The following PRRX2 variants were observed in gnomAD, a reference collection of about 807,000 sequenced individuals.
PRRX2 encodes paired related homeobox 2.
Under a neutral mutation model 18.0 loss-of-function variants are expected in PRRX2, and 11 were observed. The observed-to-expected ratio is 0.61, with a 90% CI of 0.39 to 1.01. The LOEUF is 1.01. Among genes scored for constraint, PRRX2 ranks in the 50% least tolerant of loss-of-function variants. The pLI is 0.01. For missense variants in PRRX2, 387 were observed against 351.0 expected, an observed-to-expected ratio of 1.10 and a Z score of -0.82; for synonymous variants, 177 against 154.8, an observed-to-expected ratio of 1.14 and a Z score of -1.06.
chr9:129,693,883 G>A lies in PRRX2; in HGVS notation c.260-25348G>A, dbSNP rs147005047. On this transcript the variant is annotated intron_variant, in intron 1 of 3. Transcript: ENST00000372469. ...CTATGTGGAACTTCCCAAAATGAGC[G>A]TGTCAAGGGACAAGGGATGGTAAGA... is the stretch of plus-strand genomic sequence containing the variant. Among the ~76,000 whole-genome samples, 4 of 152,302 alleles carry A rather than the reference G, an allele frequency of 2.6e-5. No homozygotes were observed. The East Asian group carries it at 5.8e-4, about 22-fold the overall frequency.
rs376325772 is a variant in PRRX2, at chr9:129,720,783, G to A, written c.626+9G>A. ...GCCTCGTCCCCCTACAGGTGAGAGC[G>A]GGAACACCTTTGGGCCAGGAAGGGG... On this transcript the variant is annotated intron_variant, in intron 3 of 3. Coordinates refer to ENST00000372469, the MANE Select transcript of PRRX2 (RefSeq NM_016307.4). The A allele has an allele frequency of 3.6e-4, 556 of 1,554,718 alleles. 1 individual carries two copies. Among genetic ancestry groups the A allele is most frequent in the Non-Finnish European group, 4.6e-4 (530 of 1,148,396 alleles).
intron 1 of PRRX2, among the ~76,000 whole-genome samples, chr9:129,683,660 G>A (rs1361520363): frequency 2.0e-5 from 3 of 152,142 alleles, no homozygotes; most frequent in Admixed American, 1.3e-4. Context: ...GCGGGAACCC[G>A]GGAGGCGGAG....
At chr9:129,691,857 T>C (rs1832364665) in intron 1 of PRRX2, among the ~76,000 whole-genome samples, 2 of 152,002 alleles carry the variant, frequency 1.3e-5, no homozygotes, top group South Asian at 4.2e-4. Flanking sequence ...TAAAAAAATT[T>C]TTTTTGTAGG....
In PRRX2 at chr9:129,683,006, G is replaced by A. The variant is rs1489466080; in HGVS notation, c.259+16880G>A. ...ACCTGTAGTCCCAGCTACTCGGGAG[G>A]CTGAGGCAGGAGAATTGCTAGAACC... On this transcript the variant is annotated intron_variant, in intron 1 of 3. Transcript: ENST00000372469. Among the ~76,000 whole-genome samples, 7 of 152,236 alleles carry A rather than the reference G, an allele frequency of 4.6e-5. No homozygotes were observed. In the South Asian group the frequency reaches 1.2e-3, roughly 27 times the overall value.
chr9:129,719,117 G>A, intron 1 of PRRX2, 114 bp from the exon 2 acceptor site: 2 of 982,916 alleles, frequency 2.0e-6, no homozygotes, highest in Non-Finnish European at 2.9e-6. Context: ...TTAAAGGGAC[G>A]CATTCCTGGC....
At chr9:129,692,451 T>G (rs72770225) in intron 1 of PRRX2, among the ~76,000 whole-genome samples, 27,340 of 151,442 alleles carry the variant, frequency 0.18, 4,610 homozygotes, top group African/African-American at 0.44. Context: ...CCTCTTGGTG[T>G]TGTTCATTCT....
intron 1 of PRRX2, among the ~76,000 whole-genome samples, chr9:129,703,354 T>C (rs1832520910): frequency 1.3e-5 from 2 of 152,198 alleles, no homozygotes; most frequent in Admixed American, 1.3e-4. Flanking sequence ...CTGCAGACTA[T>C]GAGCAGCCCA....
At chr9:129,684,687 T>C (rs1832282490) in intron 1 of PRRX2, among the ~76,000 whole-genome samples, 1 of 152,162 alleles carries the variant, frequency 6.6e-6, no homozygotes, top group African/African-American at 2.4e-5. Flanking sequence ...GTGGCACCTC[T>C]GGGACGGGGA....
At chr9:129,698,246 G>A (rs1464878971) in intron 1 of PRRX2, among the ~76,000 whole-genome samples, 2 of 115,060 alleles carry the variant, frequency 1.7e-5, no homozygotes, top group Non-Finnish European at 3.8e-5. Flanking sequence ...GAAATGGGTG[G>A]TTGGATGGGG....
intron 1 of PRRX2, among the ~76,000 whole-genome samples, chr9:129,673,719 C>A (rs936584894): frequency 6.6e-6 from 1 of 152,090 alleles, no homozygotes. Flanking sequence ...CCAGCCCGGC[C>A]CCCTGATGGA....
chr9:129,690,048 G>A (rs1464154122), intron 1 of PRRX2, among the ~76,000 whole-genome samples: 1 of 151,986 alleles, frequency 6.6e-6, no homozygotes, highest in Non-Finnish European at 1.5e-5. Context: ...ACCGCGCCTG[G>A]CCAATAGCAT....
chr9:129,699,160 C>T (rs767681453), intron 1 of PRRX2, among the ~76,000 whole-genome samples: 10 of 152,226 alleles, frequency 6.6e-5, no homozygotes, highest in Middle Eastern at 3.2e-3. Context: ...CAGTGGCTCA[C>T]GCCCATAATC....
At chr9:129,717,385 A>G (rs982657115) in intron 1 of PRRX2, among the ~76,000 whole-genome samples, 9 of 150,974 alleles carry the variant, frequency 6.0e-5, no homozygotes, top group Non-Finnish European at 1.2e-4. Flanking sequence ...TTAAACTTGT[A>G]TTTGTAATCT....
chr9:129,694,386 T>C (rs1452656545), intron 1 of PRRX2, among the ~76,000 whole-genome samples: 1 of 152,236 alleles, frequency 6.6e-6, no homozygotes, highest in Non-Finnish European at 1.5e-5. Context: ...GTTTTTGCCA[T>C]GTTGGCTGGG....
chr9:129,708,365 C>T (rs1462064878), intron 1 of PRRX2, among the ~76,000 whole-genome samples: 1 of 152,126 alleles, frequency 6.6e-6, no homozygotes, highest in Non-Finnish European at 1.5e-5. Flanking sequence ...TCTAACTATC[C>T]TAGTGGGTGT....
intron 1 of PRRX2, among the ~76,000 whole-genome samples, chr9:129,718,061 C>A (rs912148732): frequency 6.6e-6 from 1 of 151,818 alleles, no homozygotes; most frequent in African/African-American, 2.4e-5. Context: ...AGTAGCTGGA[C>A]GCCCCCCCAC....
intron 1 of PRRX2, among the ~76,000 whole-genome samples, chr9:129,703,782 G>C (rs56232371): frequency 3.9e-5 from 6 of 152,142 alleles, no homozygotes; most frequent in African/African-American, 1.4e-4. Flanking sequence ...GAGCTTTGCC[G>C]AGCAAGGCTC....
intron 1 of PRRX2, among the ~76,000 whole-genome samples, chr9:129,717,579 C>A (rs1296584009): frequency 2.7e-5 from 4 of 150,942 alleles, no homozygotes; most frequent in African/African-American, 9.7e-5. Context: ...GCCTGTAATC[C>A]CAGCTACTCG....
Position 129,666,105 on chromosome 9 carries a change from A to G in PRRX2, c.238A>G (p.Ser80Gly). ...GGAGCCGTCCGGGGGCAGCAGCGGC[A>G]GCGAGGCGGCGCCGCAGGATGGTGA... ...AREPSGGSSG[S>G]EAAPQDGECP... The change falls in exon 1 of 4, where the codon AGC (serine) becomes GGC (glycine). Residue 80 changes from serine (S) to glycine (G), a missense_variant. Ser to Gly is a moderately conservative substitution (Grantham distance 56, BLOSUM62 0). Transcript: ENST00000372469. 1 of 1,018,346 alleles carries G rather than the reference A, an allele frequency of 9.8e-7. No homozygotes were observed. The highest frequency in any genetic ancestry group is 1.2e-6 in the Non-Finnish European group (1 of 855,792). The allele number at this position is 1,018,346 out of a possible 1,614,324, so 63.1% of individuals were successfully genotyped here.
Sources: allele counts gnomAD v4.1 joint callset (sites outside exome capture counted in the v4.1 genomes callset), GRCh38; gene constraint gnomAD v4.1.1; transcripts MANE v1.5; gene names NCBI Gene and HGNC (gene_info 2026-07-23, HGNC 2026-07-21).